The following NELFCD variants were observed in gnomAD, a reference collection of about 807,000 sequenced individuals.
The protein encoded by NELFCD is negative elongation factor complex member C/D.
Under a neutral mutation model 72.9 loss-of-function variants are expected in NELFCD, and 48 were observed. The ratio of observed to expected loss-of-function variants is 0.66; its 90% CI spans 0.52 to 0.84. The LOEUF is 0.84. NELFCD is among the 40% of genes least tolerant of loss of function. The probability of loss-of-function intolerance (pLI) is 0.00; values close to 1 mark genes in which losing one functional copy is unlikely to be tolerated. For missense variants in NELFCD, 538 were observed against 723.8 expected, an observed-to-expected ratio of 0.74 and a Z score of 2.94; for synonymous variants, 297 against 280.6, an observed-to-expected ratio of 1.06 and a Z score of -0.59.
At chr20:58,991,260 G>T in intron 8 of NELFCD, 52 bp from the exon 9 acceptor site, 1 of 1,610,730 alleles carries the variant, frequency 6.2e-7, no homozygotes, top group East Asian at 2.2e-5. Flanking sequence ...GGAGGTGGGT[G>T]AGCAGTGCCC....
At position 58,991,043 on chromosome 20, in the gene NELFCD, T is replaced by G; in HGVS notation, c.922T>G (p.Phe308Val). 1 of 1,614,176 alleles carries G rather than the reference T, an allele frequency of 6.2e-7. No homozygotes were observed. The change falls in exon 8 of 15, where the codon TTC (phenylalanine) becomes GTC (valine). Residue 308 changes from phenylalanine to valine, a missense_variant. This residue lies in a region of NELFCD where 355 missense variants were observed against 534.5 expected (regional missense o/e 0.66). Transcript: ENST00000652272. ...TGACATCACCGTCCTGTTCAAGATG[T>G]TCACAAGCATGGACCCTCCTCCGGT... ...PADITVLFKMFTSMDPPPVEL... is the reference protein window; with the variant it reads ...PADITVLFKMVTSMDPPPVEL...
At chr20:58,987,160 G>C in intron 3 of NELFCD, 1 of 334,206 alleles carries the variant, frequency 3.0e-6, no homozygotes, top group Non-Finnish European at 5.4e-6. Context: ...TGTGTTCAGT[G>C]TGTCATTTTC....
chr20:58,982,545 G>T (rs2091742972), intron 1 of NELFCD, among the ~76,000 whole-genome samples: 1 of 152,170 alleles, frequency 6.6e-6, no homozygotes, highest in Admixed American at 6.5e-5. Flanking sequence ...GGATGAAGTG[G>T]GGCTTACGTT....
intron 7 of NELFCD, chr20:58,990,543 T>C (rs2091808292): frequency 5.0e-6 from 1 of 200,104 alleles, no homozygotes; most frequent in African/African-American, 2.3e-5. Context: ...CGTCTTCCCT[T>C]TGCTGGAGTT....
chr20:58,994,772 T>A lies in NELFCD; in HGVS notation c.*96T>A. Reference sequence around the variant, plus strand: ...GTTTTAAGAGGCTCGGGCAGCGTCTTGAAAATGGGCACCGCTGGGAGGAGG... The same window carrying A: ...GTTTTAAGAGGCTCGGGCAGCGTCTAGAAAATGGGCACCGCTGGGAGGAGG... On this transcript the variant is annotated 3_prime_UTR_variant, in exon 15 of 15. Coordinates refer to ENST00000652272, the MANE Select transcript of NELFCD (RefSeq NM_198976.4). 1 of 1,001,938 alleles carries A rather than the reference T, an allele frequency of 1.0e-6. No individual in the cohort carries two copies. The highest frequency in any genetic ancestry group is 1.6e-6 in the Non-Finnish European group (1 of 640,040). The allele number at this position is 1,001,938 out of a possible 1,614,324, so 62.1% of individuals were successfully genotyped here.
Position 58,986,073 on chromosome 20 carries a change from C to G in NELFCD, c.61-20C>G. 2.6e-6 allele frequency: 4 copies of G among 1,530,430 alleles called. No individual in the cohort carries two copies. The highest frequency in any genetic ancestry group is 2.7e-6 in the Non-Finnish European group (3 of 1,103,614). 94.8% of individuals were successfully genotyped at this position (1,530,430 alleles called of 1,614,324 possible). A position where few individuals can be genotyped will look rare whatever the true frequency, so the allele number is the denominator to read the frequency against. ...TGTATTAATGAAAAAAATATCCTGG[C>G]TCTTCGCATTTACCAACAGCAGGAG... is the stretch of plus-strand genomic sequence containing the variant. On this transcript the variant is annotated intron_variant, in intron 1 of 14. Transcript: ENST00000652272. The surrounding 1 kb of genome is among the most constrained non-coding windows in gnomAD (Gnocchi z 4.4).
rs959208998 is a variant in NELFCD at position 58,989,217 on chromosome 20, G to A, written c.504+196G>A. 1.3e-5 allele frequency: 8 copies of A among 618,420 alleles called. No homozygotes were observed. The African/African-American group carries it at 1.5e-4, about 11-fold the overall frequency. 38.3% of individuals were successfully genotyped at this position (618,420 alleles called of 1,614,324 possible). A position where few individuals can be genotyped will look rare whatever the true frequency, so the allele number is the denominator to read the frequency against. ...TTGGGTCAGTGTTGACTGTGTTTTA[G>A]GATTTAGCAGGGATACAAGAATTCT... On this transcript the variant is annotated intron_variant, in intron 5 of 14. Coordinates refer to ENST00000652272, the MANE Select transcript of NELFCD (RefSeq NM_198976.4).
chr20:58,987,525 G>T, intron 3 of NELFCD, 183 bp from the exon 4 acceptor site: 1 of 599,558 alleles, frequency 1.7e-6, no homozygotes, highest in Admixed American at 3.0e-5. Flanking sequence ...GTTCTGTTCT[G>T]TGCTGCTTTT....
intron 1 of NELFCD, among the ~76,000 whole-genome samples, chr20:58,983,162 A>C (rs2091748498): frequency 6.8e-6 from 1 of 147,018 alleles, no homozygotes; most frequent in South Asian, 2.2e-4. Context: ...TTTGAGACAG[A>C]GTCTCGCTTA....
rs1601209947 is a variant in NELFCD, at chr20:58,983,711, C to T, written c.60+2342C>T. On this transcript the variant is annotated intron_variant, in intron 1 of 14. Coordinates refer to ENST00000652272, the MANE Select transcript of NELFCD (RefSeq NM_198976.4). ...AAAGTGCTGAGATTACAGGTGTGAG[C>T]TACCGTGCCCGGCCTCACCTTGAGG... is the stretch of plus-strand genomic sequence containing the variant. Among the ~76,000 whole-genome samples the T allele has an allele frequency of 2.0e-5, 3 of 152,170 alleles. No homozygotes were observed. The East Asian group carries it at 5.8e-4, about 29-fold the overall frequency.
At chr20:58,985,497 C>T (rs6070681) in intron 1 of NELFCD, among the ~76,000 whole-genome samples, 1 of 152,146 alleles carries the variant, frequency 6.6e-6, no homozygotes, top group African/African-American at 2.4e-5. Flanking sequence ...CTGCTTTGCC[C>T]TTAGATGGAG....
intron 1 of NELFCD, among the ~76,000 whole-genome samples, chr20:58,985,835 A>G (rs2091767733): frequency 6.6e-6 from 1 of 152,176 alleles, no homozygotes. Context: ...GGACACTCAG[A>G]GAGGTTGGGT....
At chr20:58,990,780 T>G in intron 7 of NELFCD, 130 bp from the exon 8 acceptor site, 1 of 753,394 alleles carries the variant, frequency 1.3e-6, no homozygotes, top group Non-Finnish European at 2.2e-6. Context: ...GTTATTTTTG[T>G]GGGTCAGTCA....
At chr20:58,982,008 C>T (rs930572795) in intron 1 of NELFCD, among the ~76,000 whole-genome samples, 21 of 151,036 alleles carry the variant, frequency 1.4e-4, no homozygotes, top group Non-Finnish European at 2.8e-4. Flanking sequence ...GGGCAGGTAG[C>T]TCTAGTCTGG....
chr20:58,991,197 C>G (rs2091813859), intron 8 of NELFCD, 115 bp from the exon 9 acceptor site: 1 of 1,554,468 alleles, frequency 6.4e-7, no homozygotes. Flanking sequence ...CTTCCTCAGT[C>G]ACACTCTCTG....
chr20:58,994,324 G>T, intron 14 of NELFCD, 85 bp downstream of exon 14: 1 of 1,458,514 alleles, frequency 6.9e-7, no homozygotes, highest in Non-Finnish European at 9.4e-7. Context: ...AGCACTTTGG[G>T]AGGCCAAGGT....
At chr20:58,991,617 C>T (rs2091817924) in intron 9 of NELFCD, 171 bp downstream of exon 9, 5 of 786,302 alleles carry the variant, frequency 6.4e-6, no homozygotes, top group Non-Finnish European at 8.0e-6. Context: ...AGAAAATGTG[C>T]GTAATGTCTC....
In NELFCD at chr20:58,993,022, G is replaced by C; in HGVS notation, c.1254G>C (p.Val418=). Reference sequence around the variant, plus strand: ...GGTTTCCAGTGGTAGCAATGGGTGTGCTGAAGTGGGTGGATTGGACTGTAT... The same window carrying C: ...GGTTTCCAGTGGTAGCAATGGGTGTCCTGAAGTGGGTGGATTGGACTGTAT... ...CIRFPVVAMG[V]LKWVDWTVSE... The change falls in exon 11 of 15, where the codon GTG becomes GTC. Residue 418 remains valine, a synonymous_variant. Transcript: ENST00000652272. The surrounding 1 kb of genome is among the most constrained non-coding windows in gnomAD (Gnocchi z 5.0). The C allele has an allele frequency of 6.2e-7, 1 of 1,614,106 alleles. No homozygotes were observed. The highest frequency in any genetic ancestry group is 8.5e-7 in the Non-Finnish European group (1 of 1,179,960).
At chr20:58,985,183 T>C (rs2091763234) in intron 1 of NELFCD, among the ~76,000 whole-genome samples, 2 of 152,188 alleles carry the variant, frequency 1.3e-5, no homozygotes, top group African/African-American at 4.8e-5. Flanking sequence ...AAAAGTTTAT[T>C]TGCAAAAATA....
Sources: allele counts gnomAD v4.1 joint callset (sites outside exome capture counted in the v4.1 genomes callset), GRCh38; gene constraint gnomAD v4.1.1; regional missense constraint gnomAD v4.1.1; non-coding constraint Gnocchi (gnomAD v3.1); transcripts MANE v1.5; gene names NCBI Gene and HGNC (gene_info 2026-07-23, HGNC 2026-07-21).